The following NOX4 variants were observed in gnomAD, a reference collection of about 807,000 sequenced individuals.
NOX4 encodes the protein kidney oxidase-1.
In NOX4, 69 loss-of-function variants were observed where a neutral mutation model predicts 87.6. That is an observed-to-expected ratio of 0.79 (90% CI 0.65 to 0.96). The LOEUF (loss-of-function observed/expected upper bound fraction) is 0.96. NOX4 is among the 40% of genes least tolerant of loss of function. The probability of loss-of-function intolerance (pLI) is 0.00; values close to 1 mark genes in which losing one functional copy is unlikely to be tolerated. For synonymous variants in NOX4, 275 were observed against 238.2 expected (o/e 1.15, Z -1.42); for missense variants, 680 against 681.5 (o/e 1.00, Z 0.02).
At chr11:89,449,900 T>C (rs79537447) in intron 3 of NOX4, among the ~76,000 whole-genome samples, 2,468 of 152,282 alleles carry the variant, frequency 0.016, 78 homozygotes, top group African/African-American at 0.055. Flanking sequence ...GGGTAAACTT[T>C]CTCTGATCAT....
At chr11:89,573,639 C>A in the NOX4 span, among the ~76,000 whole-genome samples, 1 of 152,056 alleles carries the variant, frequency 6.6e-6, no homozygotes, top group Non-Finnish European at 1.5e-5. Flanking sequence ...AGAAAGAATT[C>A]AATTTAGGGG....
At chr11:89,523,934 T>C in the NOX4 span, among the ~76,000 whole-genome samples, 1 of 152,144 alleles carries the variant, frequency 6.6e-6, no homozygotes, top group Non-Finnish European at 1.5e-5. Flanking sequence ...AGCTAATCCA[T>C]AGCGATTTAA....
At chr11:89,518,084 A>G in the NOX4 span, among the ~76,000 whole-genome samples, 1 of 152,134 alleles carries the variant, frequency 6.6e-6, no homozygotes. Flanking sequence ...AAGATTAAAT[A>G]AATTGGCTAA....
At chr11:89,466,734 T>C (rs1273893636) in intron 2 of NOX4, among the ~76,000 whole-genome samples, 2 of 152,086 alleles carry the variant, frequency 1.3e-5, no homozygotes, top group Admixed American at 6.6e-5. Flanking sequence ...GTAACAGTGA[T>C]AAATGAGAAA....
chr11:89,402,810 C>A (rs1941952873), intron 8 of NOX4, among the ~76,000 whole-genome samples: 1 of 152,114 alleles, frequency 6.6e-6, no homozygotes, highest in Non-Finnish European at 1.5e-5. Context: ...TACATGCAAT[C>A]TCTCCAGGCA....
At chr11:89,588,926 T>C in the NOX4 span, among the ~76,000 whole-genome samples, 6 of 152,238 alleles carry the variant, frequency 3.9e-5, no homozygotes, top group African/African-American at 1.4e-4. Flanking sequence ...CGTATATCGG[T>C]AGTATTAGCA....
In NOX4 at chr11:89,338,894, C is replaced by T. The variant is rs1292365627; in HGVS notation, c.1446+1169G>A. Among the ~76,000 whole-genome samples, 7 of 152,234 alleles carry T rather than the reference C, an allele frequency of 4.6e-5. No individual in the cohort carries two copies. The South Asian group carries it at 6.2e-4, about 14-fold the overall frequency. On this transcript the variant is annotated intron_variant, in intron 15 of 17. Coordinates refer to ENST00000263317, the MANE Select transcript of NOX4 (RefSeq NM_016931.5). ...GTTTACGCTGCTTTACTCCTACTTT[C>T]CCTTCCTTCTTTGTCCTAACCTGAA...
At chr11:89,444,668 G>A (rs1944612245) in intron 4 of NOX4, among the ~76,000 whole-genome samples, 3 of 151,848 alleles carry the variant, frequency 2.0e-5, no homozygotes, top group Non-Finnish European at 4.4e-5. Context: ...TACATATCTT[G>A]CATACTTCCC....
intron 4 of NOX4, among the ~76,000 whole-genome samples, chr11:89,444,772 A>G (rs997661472): frequency 6.6e-5 from 10 of 152,146 alleles, no homozygotes; most frequent in Non-Finnish European, 1.0e-4. Flanking sequence ...TTCTTAACCC[A>G]ACAGAAAAAG....
intron 2 of NOX4, among the ~76,000 whole-genome samples, chr11:89,453,350 A>C (rs1384397841): frequency 6.6e-6 from 1 of 152,196 alleles, no homozygotes; most frequent in African/African-American, 2.4e-5. Flanking sequence ...CATCCTCTAG[A>C]TAATCCATGT....
chr11:89,429,748 G>T (rs1943672323), intron 7 of NOX4, among the ~76,000 whole-genome samples: 1 of 151,988 alleles, frequency 6.6e-6, no homozygotes, highest in Admixed American at 6.6e-5. Flanking sequence ...GGACCAGATG[G>T]ATTCACAGCC....
chr11:89,461,566 A>G (rs2135416985), intron 2 of NOX4, among the ~76,000 whole-genome samples: 1 of 151,766 alleles, frequency 6.6e-6, no homozygotes, highest in East Asian at 1.9e-4. Flanking sequence ...AATGGCATGA[A>G]CCCGGAAGGC....
At chr11:89,394,549 A>C (rs897298697) in intron 11 of NOX4, among the ~76,000 whole-genome samples, 6 of 152,138 alleles carry the variant, frequency 3.9e-5, no homozygotes, top group Admixed American at 3.9e-4. Context: ...CACGTGCACA[A>C]CGTGCAGGTT....
chr11:89,460,135 C>G (rs1945384881), intron 2 of NOX4, among the ~76,000 whole-genome samples: 1 of 152,152 alleles, frequency 6.6e-6, no homozygotes, highest in Admixed American at 6.5e-5. Context: ...TGGATCCCTT[C>G]CTTACACCTT....
rs540581857 is a variant in NOX4, at chr11:89,464,968, T to C, written c.154-13073A>G. Among the ~76,000 whole-genome samples, 8 of 152,296 alleles carry C rather than the reference T, an allele frequency of 5.3e-5. No individual in the cohort carries two copies. In the South Asian group the frequency reaches 1.7e-3, roughly 32 times the overall value. ...AGTCATGAGAATGGAGTCCCCATGA[T>C]AGGATTAGTGCCTTTATTTTTAAAA... On this transcript the variant is annotated intron_variant, in intron 2 of 17. Coordinates refer to ENST00000263317, the MANE Select transcript of NOX4 (RefSeq NM_016931.5).
At position 89,363,272 on chromosome 11, in the gene NOX4, G is replaced by A. The variant is rs116804643; in HGVS notation, c.1136-8229C>T. 5.3e-3 allele frequency among the ~76,000 whole-genome samples: 801 copies of A among 152,092 alleles called. 6 individuals carry two copies. The highest frequency in any genetic ancestry group is 0.018 in the African/African-American group (746 of 41,494). On this transcript the variant is annotated intron_variant, in intron 12 of 17. Coordinates refer to ENST00000263317, the MANE Select transcript of NOX4 (RefSeq NM_016931.5). ...TAGATAAGGTGAATATTTTTGCTCT[G>A]TTACATATATATCAATAATCTATAA... is the stretch of plus-strand genomic sequence containing the variant.
intron 17 of NOX4, among the ~76,000 whole-genome samples, chr11:89,335,555 G>C (rs1945669405): frequency 6.6e-6 from 1 of 151,634 alleles, no homozygotes; most frequent in African/African-American, 2.4e-5. Flanking sequence ...TATGCTGTGG[G>C]AGCGAATACC....
At chr11:89,496,515 G>A (rs1565358862), upstream of NOX4, among the ~76,000 whole-genome samples, 1 of 150,664 alleles carries the variant, frequency 6.6e-6, no homozygotes, top group Non-Finnish European at 1.5e-5. Context: ...ATGTATATGA[G>A]AACATCAAAT....
chr11:89,450,259 G>C (rs1271968913), intron 3 of NOX4, among the ~76,000 whole-genome samples: 1 of 152,156 alleles, frequency 6.6e-6, no homozygotes, highest in African/African-American at 2.4e-5. Context: ...GCATTAAAAG[G>C]AAAGAGTTTC....
Sources: gnomAD v4.1 joint callset for allele counts (sites outside exome capture counted in the v4.1 genomes callset) on GRCh38, gnomAD v4.1.1 for gene constraint, MANE v1.5 for transcripts, NCBI Gene and HGNC (gene_info 2026-07-23, HGNC 2026-07-21) for gene names.